FOXP1: variants seen among roughly 807,000 people sequenced by gnomAD.
FOXP1 encodes the protein forkhead box protein P1.
In FOXP1, 15 loss-of-function variants were observed where a neutral mutation model predicts 98.2. That is an observed-to-expected ratio of 0.15 (90% CI 0.10 to 0.24). The LOEUF (loss-of-function observed/expected upper bound fraction) is 0.24, where lower values mean the gene tolerates loss of function less well. FOXP1 is among the 10% of genes least tolerant of loss of function. FOXP1 has a pLI of 1.00. For missense variants in FOXP1, 633 were observed against 848.5 expected (o/e 0.75, Z 3.15); for synonymous variants, 371 against 314.5 (o/e 1.18, Z -1.90).
At chr3:71,474,300 T>G (rs2089624086) in intron 3 of FOXP1, among the ~76,000 whole-genome samples, 1 of 152,178 alleles carries the variant, frequency 6.6e-6, no homozygotes, top group Non-Finnish European at 1.5e-5. Flanking sequence ...CAACCACTCC[T>G]GAATAAATGT....
At chr3:71,251,082 C>A (rs181760835) in intron 5 of FOXP1, among the ~76,000 whole-genome samples, 2 of 152,182 alleles carry the variant, frequency 1.3e-5, no homozygotes, top group Admixed American at 1.3e-4. Context: ...AATTGAGTAA[C>A]TTGAAAGCTT....
At chr3:71,330,233 T>C (rs1228661128) in intron 4 of FOXP1, among the ~76,000 whole-genome samples, 1 of 152,216 alleles carries the variant, frequency 6.6e-6, no homozygotes, top group South Asian at 2.1e-4. Context: ...TTTTTCTTCA[T>C]TGGGCAAAGG....
chr3:71,165,247 TAA>T (rs34841115), intron 6 of FOXP1, among the ~76,000 whole-genome samples: 6 of 136,524 alleles, frequency 4.4e-5, no homozygotes, highest in African/African-American at 8.2e-5. Flanking sequence ...TATTTTTTTG[TAA>T]AAAAAAAAAA....
rs576126326 is a variant in FOXP1, at chr3:71,242,342, C to T, written c.-11-43950G>A. On this transcript the variant is annotated intron_variant, in intron 5 of 20. Coordinates refer to ENST00000649528, the MANE Select transcript of FOXP1 (RefSeq NM_001349338.3). ...ACCAGAACGCTCCTAAGCTGATGCC[C>T]TGATAACATATTAGACAGCCTCCAA... Among the ~76,000 whole-genome samples the T allele has an allele frequency of 2.4e-4, 36 of 152,256 alleles. 1 individual carries two copies. The South Asian group carries it at 5.4e-3, about 23-fold the overall frequency.
intron 13 of FOXP1, among the ~76,000 whole-genome samples, chr3:70,994,649 C>T (rs1037284364): frequency 1.3e-5 from 2 of 152,118 alleles, no homozygotes; most frequent in African/African-American, 4.8e-5. Context: ...TCCAGTGCTC[C>T]CTATATAATA....
chr3:71,449,351 C>CT (rs1324293661), intron 3 of FOXP1, among the ~76,000 whole-genome samples: 20 of 152,180 alleles, frequency 1.3e-4, no homozygotes, highest in Non-Finnish European at 7.3e-5. Context: ...TAAACACCCT[C>CT]TGTGGCTCCC....
At chr3:71,568,634 T>G (rs1332153468) in intron 2 of FOXP1, among the ~76,000 whole-genome samples, 1 of 144,476 alleles carries the variant, frequency 6.9e-6, no homozygotes, top group Non-Finnish European at 1.5e-5. Context: ...GCTTTTTGTT[T>G]GTTCCCTGAA....
intron 7 of FOXP1, among the ~76,000 whole-genome samples, chr3:71,074,904 T>C (rs1395057296): frequency 6.6e-6 from 1 of 152,094 alleles, no homozygotes; most frequent in African/African-American, 2.4e-5. Flanking sequence ...GATTAAGCAG[T>C]TTCTTATACT....
intron 2 of FOXP1, among the ~76,000 whole-genome samples, chr3:71,553,364 G>A (rs1374725273): frequency 6.6e-6 from 1 of 152,060 alleles, no homozygotes; most frequent in East Asian, 1.9e-4. Context: ...AAAATTGTAG[G>A]CCTCATCAAT....
At position 71,329,223 on chromosome 3, in the gene FOXP1, T is replaced by C. The variant is rs1291399303; in HGVS notation, c.-72-29343A>G. Among the ~76,000 whole-genome samples the C allele has an allele frequency of 1.7e-4, 26 of 151,764 alleles. 1 individual carries two copies. Among genetic ancestry groups the C allele is most frequent in the Admixed American group, 1.7e-3 (26 of 15,224 alleles). On this transcript the variant is annotated intron_variant, in intron 4 of 20. Coordinates refer to ENST00000649528, the MANE Select transcript of FOXP1 (RefSeq NM_001349338.3). Reference sequence around the variant, plus strand: ...TCACAAAGTCTAGACCTCTTTTTTTTTCTTTTTCTTTTTTTTGAGAGGGAG... The same window carrying C: ...TCACAAAGTCTAGACCTCTTTTTTTCTCTTTTTCTTTTTTTTGAGAGGGAG...
intron 3 of FOXP1, among the ~76,000 whole-genome samples, chr3:71,439,404 T>C (rs2085691120): frequency 6.6e-6 from 1 of 152,200 alleles, no homozygotes; most frequent in Non-Finnish European, 1.5e-5. Context: ...GCATTCTATT[T>C]CTTTCAGCTA....
At chr3:71,018,989 C>G (rs975924003) in intron 11 of FOXP1, among the ~76,000 whole-genome samples, 1 of 152,188 alleles carries the variant, frequency 6.6e-6, no homozygotes, top group African/African-American at 2.4e-5. Context: ...ACCACACACC[C>G]GCTGCATGTG....
rs574208669 is a variant in FOXP1 at position 71,198,009 on chromosome 3, A to G, written c.180+193T>C. ...GGACTTCCAACTCCCAAGGGCTTGA[A>G]ATTAGTCTCTTAAGCCAACTGCTGG... On this transcript the variant is annotated intron_variant, in intron 6 of 20. Transcript: ENST00000649528. The G allele has an allele frequency of 1.9e-5, 31 of 1,614,206 alleles. No individual in the cohort carries two copies. The South Asian group carries it at 3.3e-4, about 17-fold the overall frequency.
At chr3:71,268,951 T>C (rs1328426663) in intron 5 of FOXP1, among the ~76,000 whole-genome samples, 1 of 152,142 alleles carries the variant, frequency 6.6e-6, no homozygotes, top group Non-Finnish European at 1.5e-5. Context: ...ACCCAACATG[T>C]AGCCTCGTGG....
chr3:71,350,337 A>G (rs770596696), intron 4 of FOXP1, among the ~76,000 whole-genome samples: 3 of 152,156 alleles, frequency 2.0e-5, no homozygotes, highest in Admixed American at 6.5e-5. Flanking sequence ...CTGAGGCATC[A>G]TTCCTGCTAT....
intron 6 of FOXP1, among the ~76,000 whole-genome samples, chr3:71,190,151 C>G (rs556992490): frequency 6.6e-6 from 1 of 152,282 alleles, no homozygotes; most frequent in East Asian, 1.9e-4. Context: ...TAAGCCGAAC[C>G]CAATCTGCCT....
chr3:71,033,602 C>CAAAAAAAAAAA (rs35470748), intron 11 of FOXP1, among the ~76,000 whole-genome samples: 2 of 70,690 alleles, frequency 2.8e-5, no homozygotes, highest in Non-Finnish European at 7.2e-5. Context: ...AGTGAACAGT[C>CAAAAAAAAAAA]AAAAAAAAAA....
intron 3 of FOXP1, among the ~76,000 whole-genome samples, chr3:71,428,871 A>T (rs887491845): frequency 3.3e-5 from 5 of 152,206 alleles, no homozygotes; most frequent in African/African-American, 1.2e-4. Flanking sequence ...TCTCCCCACA[A>T]CCTGGCTCGG....
chr3:71,556,282 T>C (rs936091607), intron 2 of FOXP1, among the ~76,000 whole-genome samples: 4 of 152,106 alleles, frequency 2.6e-5, no homozygotes, highest in Non-Finnish European at 5.9e-5. Flanking sequence ...ATACCATCTT[T>C]CACCTTGAAA....
Sources: gnomAD v4.1 joint callset for allele counts (sites outside exome capture counted in the v4.1 genomes callset) on GRCh38, gnomAD v4.1.1 for gene constraint, MANE v1.5 for transcripts, NCBI Gene and HGNC (gene_info 2026-07-23, HGNC 2026-07-21) for gene names.